RAPGEF2: variants seen among roughly 807,000 people sequenced by gnomAD.
RAPGEF2 encodes the protein PDZ domain containing guanine nucleotide exchange factor (GEF) 1.
A neutral mutation model predicts 186.7 loss-of-function variants in RAPGEF2; 54 were observed. The observed-to-expected ratio is 0.29, with a 90% CI of 0.23 to 0.36. The LOEUF (loss-of-function observed/expected upper bound fraction) is 0.36. Ranked by LOEUF, RAPGEF2 falls within the 10% of genes least tolerant of loss-of-function variation. The probability of loss-of-function intolerance (pLI) is 1.00; values close to 1 mark genes in which losing one functional copy is unlikely to be tolerated. For missense variants in RAPGEF2, 1,532 were observed against 2,045.0 expected (o/e 0.75, Z 4.84); for synonymous variants, 712 against 705.9 (o/e 1.01, Z -0.14).
At chr4:159,357,273 A>C (rs1385272081) in intron 29 of RAPGEF2, among the ~76,000 whole-genome samples, 2 of 152,338 alleles carry the variant, frequency 1.3e-5, no homozygotes, top group South Asian at 2.1e-4. Flanking sequence ...AAGTGGAAGG[A>C]TCACTTGAGC....
intron 1 of RAPGEF2, among the ~76,000 whole-genome samples, chr4:159,160,028 A>G (rs1395051071): frequency 6.6e-6 from 1 of 152,234 alleles, no homozygotes; most frequent in East Asian, 1.9e-4. Flanking sequence ...GTGATGCTGA[A>G]TTCATATTAA....
At chr4:159,190,452 T>C (rs928446925) in intron 2 of RAPGEF2, among the ~76,000 whole-genome samples, 4 of 152,140 alleles carry the variant, frequency 2.6e-5, no homozygotes, top group African/African-American at 9.7e-5. Context: ...TTCTGGAGGA[T>C]GTATTTTGGA....
intron 1 of RAPGEF2, among the ~76,000 whole-genome samples, chr4:159,177,852 C>T (rs551652669): frequency 1.3e-5 from 2 of 152,074 alleles, no homozygotes; most frequent in Non-Finnish European, 2.9e-5. Context: ...GATCTTTTGC[C>T]CAAAAGGATA....
chr4:159,198,278 C>CT (rs1387321189), intron 3 of RAPGEF2, among the ~76,000 whole-genome samples: 1 of 5,812 alleles, frequency 1.7e-4, no homozygotes. Flanking sequence ...TTCCTTCTTT[C>CT]TTTCTTTCTT....
intron 1 of RAPGEF2, among the ~76,000 whole-genome samples, chr4:159,167,258 G>GT (rs1294213418): frequency 2.0e-5 from 3 of 152,204 alleles, no homozygotes; most frequent in African/African-American, 4.8e-5. Context: ...CATGTGGCCA[G>GT]TTTTTTGGGG....
chr4:159,239,601 G>T (rs1209119948), intron 5 of RAPGEF2, among the ~76,000 whole-genome samples: 1 of 152,104 alleles, frequency 6.6e-6, no homozygotes, highest in Non-Finnish European at 1.5e-5. Flanking sequence ...AACATACTTT[G>T]AAGCTTAAAA....
chr4:159,277,377 T>A (rs902044695), intron 7 of RAPGEF2, among the ~76,000 whole-genome samples: 1 of 152,256 alleles, frequency 6.6e-6, no homozygotes, highest in African/African-American at 2.4e-5. Context: ...AGTGCCACAA[T>A]TAACATACGT....
At chr4:159,248,763 GAAAAT>G (rs1347921318) in intron 7 of RAPGEF2, among the ~76,000 whole-genome samples, 1 of 152,182 alleles carries the variant, frequency 6.6e-6, no homozygotes, top group African/African-American at 2.4e-5. Flanking sequence ...AAATAGTTTA[GAAAAT>G]AAAATGATTT....
At chr4:159,116,068 A>G (rs1739017721) in intron 1 of RAPGEF2, among the ~76,000 whole-genome samples, 1 of 152,234 alleles carries the variant, frequency 6.6e-6, no homozygotes, top group Non-Finnish European at 1.5e-5. Flanking sequence ...AATTGCAGCA[A>G]AAGCAACAAT....
chr4:159,277,298 C>G (rs1417259497), intron 7 of RAPGEF2, among the ~76,000 whole-genome samples: 2 of 152,104 alleles, frequency 1.3e-5, no homozygotes, highest in Admixed American at 1.3e-4. Context: ...GTATATGTGC[C>G]ACATTTTCTT....
intron 7 of RAPGEF2, among the ~76,000 whole-genome samples, chr4:159,289,940 T>C (rs1196054257): frequency 2.0e-5 from 3 of 151,746 alleles, no homozygotes; most frequent in East Asian, 3.9e-4. Context: ...GAGAAGTGAG[T>C]GTGAGAAGAT....
At chr4:159,280,022 G>A (rs984110105) in intron 7 of RAPGEF2, among the ~76,000 whole-genome samples, 1 of 152,054 alleles carries the variant, frequency 6.6e-6, no homozygotes, top group Admixed American at 6.6e-5. Context: ...AACCTTTTAG[G>A]AGCAGGTCAC....
chr4:159,178,211 A>T (rs1315076097), intron 1 of RAPGEF2, among the ~76,000 whole-genome samples: 1 of 152,124 alleles, frequency 6.6e-6, no homozygotes, highest in Non-Finnish European at 1.5e-5. Flanking sequence ...GTGGAACATA[A>T]TCCCCCCACC....
chr4:159,255,358 T>G (rs946806797), intron 7 of RAPGEF2, among the ~76,000 whole-genome samples: 2 of 148,166 alleles, frequency 1.3e-5, no homozygotes, highest in Non-Finnish European at 3.0e-5. Flanking sequence ...AATATATAGT[T>G]TTTTTTTTTT....
chr4:159,252,689 T>G (rs1314706155), intron 7 of RAPGEF2, among the ~76,000 whole-genome samples: 1 of 152,192 alleles, frequency 6.6e-6, no homozygotes, highest in African/African-American at 2.4e-5. Flanking sequence ...CTGAAGTGGG[T>G]GTAAACAGGA....
intron 1 of RAPGEF2, among the ~76,000 whole-genome samples, chr4:159,165,055 A>G (rs1745154119): frequency 1.3e-5 from 2 of 152,044 alleles, no homozygotes; most frequent in African/African-American, 4.8e-5. Context: ...TATGTTTCTT[A>G]AAGAATTTTT....
chr4:159,343,404 G>A lies in RAPGEF2; in HGVS notation c.3254G>A (p.Arg1085Gln), dbSNP rs201720107. Residue 1085 changes from arginine (R) to glutamine (Q), a missense_variant and splice_region_variant, in exon 22 of 30, where the codon CGG becomes CAG. Coordinates refer to ENST00000691494, the MANE Select transcript of RAPGEF2 (RefSeq NM_001394067.2). The part of the protein sequence containing the change: ...NMDPALMFRT[R>Q]KKKWRSLGSL... ...GACCCTGCCCTCATGTTCAGGACTC[G>A]GTGAGTATGTCATCTTCAGTGGCAC... is the stretch of plus-strand genomic sequence containing the variant. 205 of 1,613,822 alleles carry A rather than the reference G, an allele frequency of 1.3e-4. No individual in the cohort carries two copies. The highest frequency in any genetic ancestry group is 1.6e-4 in the Non-Finnish European group (187 of 1,179,870).
At chr4:159,162,577 C>T (rs1182329241) in intron 1 of RAPGEF2, among the ~76,000 whole-genome samples, 1 of 152,148 alleles carries the variant, frequency 6.6e-6, no homozygotes, top group Non-Finnish European at 1.5e-5. Context: ...CTGCCTACAT[C>T]TGCACAGTGT....
At chr4:159,264,211 T>C (rs913383422) in intron 7 of RAPGEF2, among the ~76,000 whole-genome samples, 1 of 152,174 alleles carries the variant, frequency 6.6e-6, no homozygotes, top group Admixed American at 6.5e-5. Context: ...TAACGAAATT[T>C]CTGTATTACA....
Sources: allele counts gnomAD v4.1 joint callset (sites outside exome capture counted in the v4.1 genomes callset), GRCh38; gene constraint gnomAD v4.1.1; transcripts MANE v1.5; gene names NCBI Gene and HGNC (gene_info 2026-07-23, HGNC 2026-07-21).